Variants in MTUS2 observed in about 807,000 individuals in gnomAD.
The protein encoded by MTUS2 is microtubule associated scaffold protein 2.
Under a neutral mutation model 114.1 loss-of-function variants are expected in MTUS2, and 40 were observed. That is an observed-to-expected ratio of 0.35 (90% CI 0.27 to 0.46). The LOEUF (loss-of-function observed/expected upper bound fraction) is 0.46, where lower values mean the gene tolerates loss of function less well. MTUS2 is among the 20% of genes least tolerant of loss of function. The pLI, the probability that MTUS2 is intolerant of heterozygous loss-of-function variation, is 1.00. For missense variants in MTUS2, 1,679 were observed against 1,705.4 expected (o/e 0.98, Z 0.27); for synonymous variants, 688 against 672.0 (o/e 1.02, Z -0.37).
In MTUS2 at chr13:29,026,133, A is replaced by G. The variant is rs763903911; in HGVS notation, c.1435A>G (p.Asn479Asp). 6 of 1,613,878 alleles carry G rather than the reference A, an allele frequency of 3.7e-6. No individual in the cohort carries two copies. Among genetic ancestry groups the G allele is most frequent in the Non-Finnish European group, 5.1e-6 (6 of 1,179,894 alleles). Residue 479 changes from asparagine (N) to aspartate (D), a missense_variant, in exon 3 of 16, where the codon AAC (asparagine) becomes GAC (aspartate). By Grantham distance (23) the Asn-to-Asp change is conservative. Coordinates refer to ENST00000612955, the MANE Select transcript of MTUS2 (RefSeq NM_001033602.4). Reference protein sequence around the residue: ...VLVFNPSVGENKTEVPEPLDP... With the variant: ...VLVFNPSVGEDKTEVPEPLDP... The stretch of plus-strand genomic sequence containing the variant: ...GGTGTTCAATCCTTCTGTTGGAGAG[A>G]ACAAGACGGAGGTGCCTGAGCCCCT...
At chr13:29,218,415 A>C (rs751957660) in intron 5 of MTUS2, among the ~76,000 whole-genome samples, 3 of 152,322 alleles carry the variant, frequency 2.0e-5, no homozygotes, top group Middle Eastern at 3.4e-3. Flanking sequence ...AATTTCTTTC[A>C]AACTGCTGTT....
At chr13:29,499,477 AT>A (rs911002285) in intron 14 of MTUS2, among the ~76,000 whole-genome samples, 14 of 152,382 alleles carry the variant, frequency 9.2e-5, no homozygotes, top group African/African-American at 3.4e-4. Flanking sequence ...ACAAAAGTAA[AT>A]ATGTGTACTG....
chr13:29,055,119 T>A (rs1199961145), intron 4 of MTUS2, among the ~76,000 whole-genome samples: 3 of 152,204 alleles, frequency 2.0e-5, no homozygotes, highest in Non-Finnish European at 4.4e-5. Flanking sequence ...TATCAGTTAC[T>A]TACAGAAGAA....
chr13:28,992,945 A>G (rs1043622429), intron 2 of MTUS2, among the ~76,000 whole-genome samples: 5 of 152,036 alleles, frequency 3.3e-5, no homozygotes, highest in Admixed American at 2.0e-4. Context: ...TGGTGACTCT[A>G]GGTACCTTAT....
rs190431416 is a variant in MTUS2, at chr13:28,850,698, G to A, written c.-243+10848G>A. 7.9e-5 allele frequency among the ~76,000 whole-genome samples: 12 copies of A among 152,290 alleles called. No individual in the cohort carries two copies. In the East Asian group the frequency reaches 2.1e-3, roughly 27 times the overall value. On this transcript the variant is annotated intron_variant, in intron 2 of 15. Transcript: ENST00000612955. ...CATTCTTTGTGCAGGATGTCTTAAG[G>A]ATGTCTCTAAACCATCCTGGAGACT... is the stretch of plus-strand genomic sequence containing the variant.
chr13:29,294,774 T>G (rs983365538), intron 6 of MTUS2, among the ~76,000 whole-genome samples: 4 of 152,236 alleles, frequency 2.6e-5, no homozygotes, highest in Admixed American at 2.0e-4. Context: ...CTGAGCCTGA[T>G]TGTCCAGGGT....
intron 12 of MTUS2, among the ~76,000 whole-genome samples, chr13:29,495,760 A>G (rs1459276156): frequency 4.6e-5 from 7 of 152,132 alleles, no homozygotes; most frequent in South Asian, 2.1e-4. Context: ...AGTCCCAGCT[A>G]CTTGGAAGGC....
chr13:29,468,611 C>T (rs1354059824), intron 9 of MTUS2, among the ~76,000 whole-genome samples: 3 of 151,888 alleles, frequency 2.0e-5, no homozygotes, highest in Admixed American at 6.6e-5. Flanking sequence ...CACACACACA[C>T]ATTACTGAGA....
Position 28,954,313 on chromosome 13 carries a change from C to T in MTUS2, c.-242-70144C>T, listed in dbSNP as rs191936694. Among the ~76,000 whole-genome samples the T allele has an allele frequency of 1.0e-3, 158 of 152,170 alleles. 1 individual carries two copies. The highest frequency in any genetic ancestry group is 1.5e-4 in the Non-Finnish European group (10 of 68,004). ...AGTCAAGTCATTTGCTGACCTCACA[C>T]CATAAGTGCTGACAAGTCTGAGGGA... On this transcript the variant is annotated intron_variant, in intron 2 of 15. Transcript: ENST00000612955.
chr13:29,475,241 C>T (rs548853772), intron 9 of MTUS2, among the ~76,000 whole-genome samples: 1 of 152,214 alleles, frequency 6.6e-6, no homozygotes, highest in Non-Finnish European at 1.5e-5. Flanking sequence ...GCATTACTCA[C>T]ATCTTTGTGG....
chr13:28,821,183 G>A (rs1264412959), intron 1 of MTUS2, among the ~76,000 whole-genome samples: 1 of 152,162 alleles, frequency 6.6e-6, no homozygotes, highest in South Asian at 2.1e-4. Context: ...GTAAAGTTAT[G>A]TGTGATTACC....
intron 8 of MTUS2, among the ~76,000 whole-genome samples, chr13:29,366,172 C>T (rs566134603): frequency 1.3e-5 from 2 of 152,262 alleles, no homozygotes; most frequent in East Asian, 3.9e-4. Flanking sequence ...GGGCAATTTA[C>T]AAAAGAAAGA....
intron 2 of MTUS2, among the ~76,000 whole-genome samples, chr13:28,880,791 C>A (rs1878239237): frequency 6.6e-6 from 1 of 152,060 alleles, no homozygotes; most frequent in African/African-American, 2.4e-5. Flanking sequence ...AAAGATGAGG[C>A]AGACACGATT....
intron 9 of MTUS2, among the ~76,000 whole-genome samples, chr13:29,452,469 G>C (rs1251089445): frequency 2.0e-5 from 3 of 151,852 alleles, no homozygotes; most frequent in Non-Finnish European, 4.4e-5. Context: ...GTGCAGACGT[G>C]CAATTGTAAC....
chr13:29,205,004 GACCAT>G (rs1895124961), intron 5 of MTUS2, among the ~76,000 whole-genome samples: 1 of 152,134 alleles, frequency 6.6e-6, no homozygotes, highest in East Asian at 1.9e-4. Flanking sequence ...CAGTCAGAGG[GACCAT>G]CAGAGGGGCC....
chr13:29,357,275 C>T (rs1217981750), intron 7 of MTUS2, among the ~76,000 whole-genome samples: 6 of 152,114 alleles, frequency 3.9e-5, no homozygotes, highest in South Asian at 2.1e-4. Flanking sequence ...GCCAAAAATG[C>T]GTGACAGTGT....
At chr13:29,481,209 A>T (rs1479370134) in intron 10 of MTUS2, among the ~76,000 whole-genome samples, 1 of 152,218 alleles carries the variant, frequency 6.6e-6, no homozygotes, top group Non-Finnish European at 1.5e-5. Context: ...TGGAGAGGAA[A>T]ATGCATCCAT....
intron 9 of MTUS2, among the ~76,000 whole-genome samples, chr13:29,455,663 C>G (rs1386788574): frequency 1.3e-5 from 2 of 152,040 alleles, no homozygotes; most frequent in African/African-American, 2.4e-5. Flanking sequence ...AGGCTATAAT[C>G]AAGGAAAAAA....
At chr13:28,946,243 A>G (rs1882518629) in intron 2 of MTUS2, among the ~76,000 whole-genome samples, 1 of 150,998 alleles carries the variant, frequency 6.6e-6, no homozygotes, top group Admixed American at 6.6e-5. Flanking sequence ...TGGTGCTTTT[A>G]CTTTTCCTGG....
Sources: gnomAD v4.1 joint callset for allele counts (sites outside exome capture counted in the v4.1 genomes callset) on GRCh38, gnomAD v4.1.1 for gene constraint, MANE v1.5 for transcripts, NCBI Gene and HGNC (gene_info 2026-07-23, HGNC 2026-07-21) for gene names.